The following METTL15 variants were observed in gnomAD, a reference collection of about 807,000 sequenced individuals.
METTL15 encodes 12S rRNA N(4)-cytidine methyltransferase METTL15.
A neutral mutation model predicts 38.3 loss-of-function variants in METTL15; 34 were observed. The ratio of observed to expected loss-of-function variants is 0.89; its 90% CI spans 0.68 to 1.18. The LOEUF (loss-of-function observed/expected upper bound fraction) is 1.18, where lower values mean the gene tolerates loss of function less well. Among genes scored for constraint, METTL15 ranks in the 50% most tolerant of loss-of-function variants. The pLI is 0.00. For missense variants in METTL15, 438 were observed against 498.4 expected (o/e 0.88, Z 1.15); for synonymous variants, 162 against 170.9 (o/e 0.95, Z 0.41).
intron 6 of METTL15, among the ~76,000 whole-genome samples, chr11:28,439,402 G>A (rs1851014683): frequency 3.3e-5 from 5 of 152,150 alleles, no homozygotes; most frequent in South Asian, 2.1e-4. Context: ...GAAATGAAAG[G>A]GTTACGCAGG....
At chr11:28,174,271 TG>T in intron 3 of METTL15, among the ~76,000 whole-genome samples, 1 of 148,564 alleles carries the variant, frequency 6.7e-6, no homozygotes, top group South Asian at 2.1e-4. Flanking sequence ...CGATTGTTTT[TG>T]TTTTACTGCT....
At chr11:28,173,887 G>GT (rs144220122) in intron 3 of METTL15, among the ~76,000 whole-genome samples, 183 of 152,310 alleles carry the variant, frequency 1.2e-3, no homozygotes, top group African/African-American at 4.2e-3. Flanking sequence ...GTTAACTTAA[G>GT]TTATGGGTTT....
intron 6 of METTL15, among the ~76,000 whole-genome samples, chr11:28,525,376 G>A (rs1026800508): frequency 1.3e-5 from 2 of 152,176 alleles, no homozygotes; most frequent in Non-Finnish European, 2.9e-5. Context: ...GGTTCTCCAC[G>A]TCCCCACTAG....
At chr11:28,206,320 G>A (rs1386098163) in intron 3 of METTL15, among the ~76,000 whole-genome samples, 6 of 151,904 alleles carry the variant, frequency 3.9e-5, no homozygotes, top group East Asian at 1.9e-4. Context: ...TCAGCTTTCT[G>A]CATGTGGCTA....
Position 28,515,071 on chromosome 11 carries a change from A to G in METTL15, c.*425-11407A>G, listed in dbSNP as rs111633590. Among the ~76,000 whole-genome samples the G allele has an allele frequency of 7.0e-4, 106 of 152,358 alleles. 1 individual carries two copies. Among genetic ancestry groups the G allele is most frequent in the African/African-American group, 2.5e-3 (105 of 41,590 alleles). On this transcript the variant is annotated intron_variant and NMD_transcript_variant, in intron 6 of 7. Transcript: ENST00000532947. ...AAAACAGGCCTATGGAATAAAATATATCACGTTTTACCACTTTTTAATTGA... is the reference window on the plus strand; with the variant it reads ...AAAACAGGCCTATGGAATAAAATATGTCACGTTTTACCACTTTTTAATTGA...
At chr11:28,242,681 A>G (rs1165714582) in intron 4 of METTL15, among the ~76,000 whole-genome samples, 2 of 152,148 alleles carry the variant, frequency 1.3e-5, no homozygotes, top group African/African-American at 4.8e-5. Context: ...ATTTTAAATG[A>G]TAACAACAGT....
intron 6 of METTL15, among the ~76,000 whole-genome samples, chr11:28,449,459 T>C (rs1035470189): frequency 6.6e-6 from 1 of 152,154 alleles, no homozygotes; most frequent in African/African-American, 2.4e-5. Context: ...ATTTGGGAAA[T>C]GAAAGGTATT....
chr11:28,458,220 G>A (rs1228020103), intron 6 of METTL15, among the ~76,000 whole-genome samples: 4 of 152,162 alleles, frequency 2.6e-5, no homozygotes, highest in Admixed American at 6.5e-5. Context: ...TCAGTTTTCT[G>A]TAGTATTCTG....
At chr11:28,363,970 T>G (rs1850163750) in intron 5 of METTL15, among the ~76,000 whole-genome samples, 1 of 152,194 alleles carries the variant, frequency 6.6e-6, no homozygotes, top group Non-Finnish European at 1.5e-5. Context: ...TTGTTGATTT[T>G]GTCCCAGGTC....
chr11:28,375,794 G>A (rs994252286), intron 5 of METTL15, among the ~76,000 whole-genome samples: 6 of 151,754 alleles, frequency 4.0e-5, no homozygotes, highest in African/African-American at 1.2e-4. Flanking sequence ...GCTTTCTCTT[G>A]TGGGTATTTA....
At chr11:28,199,231 A>G (rs1420341806) in intron 3 of METTL15, among the ~76,000 whole-genome samples, 1 of 152,168 alleles carries the variant, frequency 6.6e-6, no homozygotes, top group African/African-American at 2.4e-5. Flanking sequence ...TTTTAAAAGT[A>G]TACTTAGAAC....
At chr11:28,431,828 A>T (rs1030765483) in intron 6 of METTL15, among the ~76,000 whole-genome samples, 11 of 141,934 alleles carry the variant, frequency 7.8e-5, no homozygotes, top group Non-Finnish European at 1.5e-4. Flanking sequence ...AAAAAAGAAG[A>T]GTAAACAGTA....
chr11:28,433,285 T>C lies in METTL15; in HGVS notation c.*424+8921T>C, dbSNP rs143128117. 6.9e-3 allele frequency among the ~76,000 whole-genome samples: 1,051 copies of C among 152,276 alleles called. 9 individuals are homozygous for C. The highest frequency in any genetic ancestry group is 0.024 in the African/African-American group (982 of 41,544). ...TCTTCATTCATTAACTCAACAAATA[T>C]GTATTCTATATACCATAACAAACCT... On this transcript the variant is annotated intron_variant and NMD_transcript_variant, in intron 6 of 7. Transcript: ENST00000532947.
Position 28,280,004 on chromosome 11 carries a change from A to T in METTL15, c.408-10202A>T, listed in dbSNP as rs1283852467. ...ATTGCAAGGACCTTGGATCATGTTA[A>T]CTACATTAATTCTATTCTTTCCTTT... On this transcript the variant is annotated intron_variant, in intron 4 of 6. Transcript: ENST00000407364. Among the ~76,000 whole-genome samples, 3 of 151,946 alleles carry T rather than the reference A, an allele frequency of 2.0e-5. No homozygotes were observed. In the East Asian group the frequency reaches 5.8e-4, roughly 29 times the overall value.
chr11:28,408,633 C>T (rs1590364485), intron 5 of METTL15, among the ~76,000 whole-genome samples: 2 of 152,062 alleles, frequency 1.3e-5, no homozygotes, highest in East Asian at 1.9e-4. Context: ...ATATAGCTAT[C>T]AAAATCACAT....
At chr11:28,130,123 A>G (rs1852694614) in intron 3 of METTL15, among the ~76,000 whole-genome samples, 1 of 152,128 alleles carries the variant, frequency 6.6e-6, no homozygotes, top group Non-Finnish European at 1.5e-5. Context: ...TAGCCTGGGC[A>G]AGGTGGTGAG....
chr11:28,237,582 G>A (rs1038930414), intron 4 of METTL15, among the ~76,000 whole-genome samples: 1 of 152,170 alleles, frequency 6.6e-6, no homozygotes, highest in Non-Finnish European at 1.5e-5. Flanking sequence ...TTGATCGTCT[G>A]AAGCCTTCTT....
At chr11:28,511,114 G>C (rs559931689) in intron 6 of METTL15, among the ~76,000 whole-genome samples, 4 of 152,098 alleles carry the variant, frequency 2.6e-5, no homozygotes, top group Admixed American at 2.0e-4. Flanking sequence ...ACACATGTAC[G>C]CACTCATATA....
chr11:28,217,111 A>G (rs891862834), intron 4 of METTL15, among the ~76,000 whole-genome samples: 6 of 152,074 alleles, frequency 3.9e-5, no homozygotes, highest in Non-Finnish European at 7.4e-5. Context: ...GGTATTTCTA[A>G]TTCTAGATCC....
Sources: gnomAD v4.1 joint callset for allele counts (sites outside exome capture counted in the v4.1 genomes callset) on GRCh38, gnomAD v4.1.1 for gene constraint, MANE v1.5 for transcripts, NCBI Gene and HGNC (gene_info 2026-07-23, HGNC 2026-07-21) for gene names.